DENND1A: variants seen among roughly 807,000 people sequenced by gnomAD.
DENND1A encodes the protein DENN domain-containing protein 1A.
A neutral mutation model predicts 113.7 loss-of-function variants in DENND1A; 51 were observed. The observed-to-expected ratio is 0.45, with a 90% CI of 0.36 to 0.57. DENND1A has a LOEUF of 0.57. Among genes scored for constraint, DENND1A ranks in the 20% least tolerant of loss-of-function variants. The pLI, the probability that DENND1A is intolerant of heterozygous loss-of-function variation, is 0.00. For synonymous variants in DENND1A, 565 were observed against 570.8 expected (o/e 0.99, Z 0.14); for missense variants, 1,258 against 1,395.9 (o/e 0.90, Z 1.57).
intron 15 of DENND1A, among the ~76,000 whole-genome samples, chr9:123,456,005 C>A (rs1171067632): frequency 2.0e-5 from 3 of 152,210 alleles, no homozygotes; most frequent in Non-Finnish European, 4.4e-5. Flanking sequence ...TCCTTGAGGG[C>A]AGAACTGGGT....
intron 5 of DENND1A, among the ~76,000 whole-genome samples, chr9:123,704,447 T>C (rs1162328965): frequency 2.0e-5 from 3 of 152,224 alleles, no homozygotes. Context: ...GTGACACGTC[T>C]AACTAAAAGT....
At chr9:123,844,916 GTCAATTAATTT>G (rs1564377162) in intron 2 of DENND1A, among the ~76,000 whole-genome samples, 1 of 152,104 alleles carries the variant, frequency 6.6e-6, no homozygotes, top group African/African-American at 2.4e-5. Context: ...AATTACAATT[GTCAATTAATTT>G]TCAACAAGGG....
At chr9:123,436,888 C>T (rs2046562166) in intron 19 of DENND1A, among the ~76,000 whole-genome samples, 1 of 152,140 alleles carries the variant, frequency 6.6e-6, no homozygotes, top group African/African-American at 2.4e-5. Flanking sequence ...GCTGGGATTA[C>T]AGGTGCCTGC....
At chr9:123,426,558 G>C (rs1409055260) in intron 19 of DENND1A, among the ~76,000 whole-genome samples, 1 of 152,146 alleles carries the variant, frequency 6.6e-6, no homozygotes, top group Non-Finnish European at 1.5e-5. Context: ...TGGAGCCAGG[G>C]AGGAGCTCCA....
At chr9:123,674,150 C>A (rs752038727) in intron 6 of DENND1A, among the ~76,000 whole-genome samples, 1 of 152,110 alleles carries the variant, frequency 6.6e-6, no homozygotes, top group East Asian at 1.9e-4. Flanking sequence ...GGCTCCGACA[C>A]CCTGAGGCAG....
intron 20 of DENND1A, 85 bp downstream of exon 20, chr9:123,411,691 G>A: frequency 2.1e-6 from 2 of 930,794 alleles, no homozygotes; most frequent in South Asian, 9.9e-5. Flanking sequence ...AGGCAGGAGG[G>A]TCCAAACTCT....
At chr9:123,837,489 T>C (rs761855842) in intron 2 of DENND1A, among the ~76,000 whole-genome samples, 5 of 152,170 alleles carry the variant, frequency 3.3e-5, no homozygotes, top group Non-Finnish European at 7.3e-5. Flanking sequence ...TTCTGAAAAC[T>C]GAAAAACCAA....
At chr9:123,897,392 A>G (rs1850922354) in intron 1 of DENND1A, among the ~76,000 whole-genome samples, 1 of 152,206 alleles carries the variant, frequency 6.6e-6, no homozygotes, top group Admixed American at 6.5e-5. Flanking sequence ...GCAGCAGCCT[A>G]CAGGTACCTA....
intron 9 of DENND1A, among the ~76,000 whole-genome samples, chr9:123,646,179 G>GA (rs1224612944): frequency 6.6e-6 from 1 of 152,150 alleles, no homozygotes; most frequent in Non-Finnish European, 1.5e-5. Context: ...TGTGTTCTGA[G>GA]AGCTATGCAA....
intron 1 of DENND1A, among the ~76,000 whole-genome samples, chr9:123,889,531 T>C (rs1175429869): frequency 2.6e-5 from 4 of 152,048 alleles, no homozygotes; most frequent in Non-Finnish European, 5.9e-5. Flanking sequence ...ACTATCCGAA[T>C]AGAAACATTA....
chr9:123,657,617 T>C (rs997112118), intron 8 of DENND1A, among the ~76,000 whole-genome samples: 12 of 152,200 alleles, frequency 7.9e-5, no homozygotes, highest in African/African-American at 2.9e-4. Context: ...TCATACATGG[T>C]ACACATGATA....
chr9:123,894,442 T>C (rs1302734388), intron 1 of DENND1A, among the ~76,000 whole-genome samples: 1 of 152,172 alleles, frequency 6.6e-6, no homozygotes, highest in African/African-American at 2.4e-5. Flanking sequence ...AAACATAAAA[T>C]GTAAACAGCC....
At chr9:123,563,964 G>A (rs1257473214) in intron 12 of DENND1A, among the ~76,000 whole-genome samples, 1 of 152,122 alleles carries the variant, frequency 6.6e-6, no homozygotes, top group Non-Finnish European at 1.5e-5. Context: ...AGGGCATGAT[G>A]GCCTATTCCT....
intron 4 of DENND1A, among the ~76,000 whole-genome samples, chr9:123,768,599 G>C (rs190351749): frequency 6.6e-6 from 1 of 151,836 alleles, no homozygotes; most frequent in South Asian, 2.1e-4. Context: ...AATAAAAGTG[G>C]GTTTGTTAAG....
chr9:123,916,368 T>C (rs1208896328), intron 1 of DENND1A, among the ~76,000 whole-genome samples: 2 of 144,146 alleles, frequency 1.4e-5, no homozygotes, highest in East Asian at 3.9e-4. Flanking sequence ...ATCTACGTAT[T>C]TGCTTTTTTT....
intron 2 of DENND1A, among the ~76,000 whole-genome samples, chr9:123,813,762 T>C (rs1564322881): frequency 1.3e-5 from 2 of 152,192 alleles, no homozygotes; most frequent in Non-Finnish European, 2.9e-5. Flanking sequence ...GCTTTTTTAA[T>C]ACTCATAAGA....
rs1857755734 is a variant in DENND1A at position 123,929,967 on chromosome 9, G to A, written c.-62C>T. ...TCGGCGCTGCGCTGCCCGCCCGCCC[G>A]CGGCCGACCGGCCTCCCTCTGGCGC... On this transcript the variant is annotated 5_prime_UTR_variant, in exon 1 of 24. Coordinates refer to ENST00000394215, the MANE Select transcript of DENND1A (RefSeq NM_001352964.2). The A allele has an allele frequency of 8.0e-6, 2 of 249,966 alleles. No homozygotes were observed. The highest frequency in any genetic ancestry group is 1.5e-5 in the Non-Finnish European group (2 of 135,864). 15.5% of individuals were successfully genotyped at this position (249,966 alleles called of 1,614,324 possible). A position where few individuals can be genotyped will look rare whatever the true frequency, so the allele number is the denominator to read the frequency against.
intron 3 of DENND1A, among the ~76,000 whole-genome samples, chr9:123,781,967 G>A (rs528762339): frequency 7.9e-5 from 12 of 152,176 alleles, no homozygotes; most frequent in African/African-American, 2.7e-4. Flanking sequence ...CTACTCAGGA[G>A]GATGAGGAAG....
intron 13 of DENND1A, among the ~76,000 whole-genome samples, chr9:123,459,180 A>C (rs563690410): frequency 2.6e-5 from 4 of 152,264 alleles, no homozygotes; most frequent in African/African-American, 9.6e-5. Context: ...GAAAAAAATA[A>C]GATTTTATAC....
Sources: allele counts gnomAD v4.1 joint callset (sites outside exome capture counted in the v4.1 genomes callset), GRCh38; gene constraint gnomAD v4.1.1; transcripts MANE v1.5; gene names NCBI Gene and HGNC (gene_info 2026-07-23, HGNC 2026-07-21).